The following ANTXR1 variants were observed in gnomAD, a reference collection of about 807,000 sequenced individuals.
ANTXR1 encodes the protein anthrax toxin receptor 1.
In ANTXR1, 19 loss-of-function variants were observed where a neutral mutation model predicts 78.1. That is an observed-to-expected ratio of 0.24 (90% CI 0.17 to 0.36). ANTXR1 has a LOEUF of 0.36. Among genes scored for constraint, ANTXR1 ranks in the 10% least tolerant of loss-of-function variants. ANTXR1 has a pLI of 1.00. For missense variants in ANTXR1, 518 were observed against 718.6 expected (o/e 0.72, Z 3.19); for synonymous variants, 273 against 260.5 (o/e 1.05, Z -0.46).
At chr2:69,125,474 G>C (rs961080993) in intron 12 of ANTXR1, among the ~76,000 whole-genome samples, 2 of 152,176 alleles carry the variant, frequency 1.3e-5, no homozygotes, top group Non-Finnish European at 2.9e-5. Flanking sequence ...CTCTGGAGTT[G>C]GTCCTGCCCA....
chr2:69,248,627 C>CT lies in ANTXR1; in HGVS notation c.*3143dup, dbSNP rs1262092747. 6.6e-6 allele frequency: 1 copy of CT among 152,218 alleles called. No individual in the cohort carries two copies. Among genetic ancestry groups the CT allele is most frequent in the Non-Finnish European group, 1.5e-5 (1 of 68,034 alleles). The allele number at this position is 152,218 out of a possible 1,614,324, so 9.4% of individuals were successfully genotyped here. A position where few individuals can be genotyped will look rare whatever the true frequency, so the allele number is the denominator to read the frequency against. On this transcript the variant is annotated 3_prime_UTR_variant, in exon 18 of 18. Transcript: ENST00000303714. ...CTGGCCATGGGTAACCTCATTGTAA[C>CT]TATCATCAGAATGGGCAGAGATGAT... is the stretch of plus-strand genomic sequence containing the variant.
chr2:69,060,722 A>C (rs545296373), intron 3 of ANTXR1, among the ~76,000 whole-genome samples: 40 of 152,358 alleles, frequency 2.6e-4, no homozygotes, highest in African/African-American at 8.9e-4. Context: ...GATTGGTAAC[A>C]TAGCGGGCCT....
At chr2:69,040,014 G>A (rs560701149) in intron 1 of ANTXR1, 30 bp from the exon 2 acceptor site, 1 of 1,597,572 alleles carries the variant, frequency 6.3e-7, no homozygotes, top group African/African-American at 1.3e-5. Context: ...AAACACCTGA[G>A]TCACGCAACA....
rs10711284 is a variant in ANTXR1, at chr2:69,207,146, C to CA, written c.1434+13740dup. ...TTGCAAAACTTACCCAATTTCTGTC[C>CA]AAAAAAAAAGTCCAAGACTAGGTCG... On this transcript the variant is annotated intron_variant, in intron 17 of 17. Transcript: ENST00000303714. Among the ~76,000 whole-genome samples the CA allele has an allele frequency of 3.7e-3, 551 of 150,648 alleles. 4 individuals carry two copies. Among genetic ancestry groups the CA allele is most frequent in the African/African-American group, 0.013 (517 of 41,132 alleles).
chr2:69,225,000 GC>G (rs10710362), intron 17 of ANTXR1, among the ~76,000 whole-genome samples: 54,221 of 151,754 alleles, frequency 0.36, 11,857 homozygotes, highest in East Asian at 0.68. Context: ...GGTGTTCCCA[GC>G]CTATGTGAAT....
chr2:69,120,508 AT>A (rs931950469), intron 10 of ANTXR1, among the ~76,000 whole-genome samples: 4 of 151,964 alleles, frequency 2.6e-5, no homozygotes, highest in East Asian at 3.9e-4. Context: ...TACTAAAAAA[AT>A]ATATAGAAAT....
At chr2:69,181,700 C>A in intron 14 of ANTXR1, 86 bp from the exon 15 acceptor site, 3 of 1,293,722 alleles carry the variant, frequency 2.3e-6, no homozygotes, top group Non-Finnish European at 3.4e-6. Flanking sequence ...ACTCTATAAG[C>A]TCTACTCCTA....
intron 12 of ANTXR1, among the ~76,000 whole-genome samples, chr2:69,141,627 T>C (rs1055771875): frequency 1.3e-5 from 2 of 152,220 alleles, no homozygotes; most frequent in African/African-American, 4.8e-5. Flanking sequence ...CAGTAATGGA[T>C]GTGCAAAAGC....
intron 17 of ANTXR1, among the ~76,000 whole-genome samples, chr2:69,224,106 G>T (rs967849792): frequency 3.9e-5 from 6 of 152,224 alleles, no homozygotes; most frequent in Admixed American, 6.5e-5. Flanking sequence ...GAGATGACCT[G>T]TACTGATACA....
chr2:69,124,445 G>A (rs1672463373), intron 11 of ANTXR1, 120 bp from the exon 12 acceptor site: 1 of 879,928 alleles, frequency 1.1e-6, no homozygotes, highest in Non-Finnish European at 1.9e-6. Flanking sequence ...CCCTGGAGAA[G>A]AGACTCCAGT....
At chr2:69,036,174 A>G (rs1669412344) in intron 1 of ANTXR1, among the ~76,000 whole-genome samples, 1 of 152,172 alleles carries the variant, frequency 6.6e-6, no homozygotes, top group Non-Finnish European at 1.5e-5. Context: ...TCAAGTTCCT[A>G]TTTCACCAAC....
At chr2:69,023,740 G>A (rs78121207) in intron 1 of ANTXR1, among the ~76,000 whole-genome samples, 362 of 152,272 alleles carry the variant, frequency 2.4e-3, no homozygotes, top group African/African-American at 8.0e-3. Flanking sequence ...TCAAAGTTTT[G>A]TAGAAGACAT....
intron 9 of ANTXR1, among the ~76,000 whole-genome samples, chr2:69,091,312 T>C: frequency 6.6e-6 from 1 of 151,378 alleles, no homozygotes; most frequent in East Asian, 1.9e-4. Context: ...GTGATGGCGC[T>C]TGCCTATAAT....
chr2:69,182,771 A>G (rs1000769554), intron 16 of ANTXR1, 111 bp downstream of exon 16: 9 of 1,356,594 alleles, frequency 6.6e-6, no homozygotes, highest in Non-Finnish European at 9.4e-6. Context: ...CCAGCTTATC[A>G]CAGGGGAACA....
At chr2:69,137,367 C>T (rs1028115633) in intron 12 of ANTXR1, among the ~76,000 whole-genome samples, 1 of 152,112 alleles carries the variant, frequency 6.6e-6, no homozygotes, top group African/African-American at 2.4e-5. Flanking sequence ...TTCCTAGTCT[C>T]TAAGAACTTG....
intron 17 of ANTXR1, among the ~76,000 whole-genome samples, chr2:69,228,997 C>T (rs1324055479): frequency 6.6e-6 from 1 of 152,170 alleles, no homozygotes; most frequent in Non-Finnish European, 1.5e-5. Flanking sequence ...TGTGTGCTCA[C>T]ATAGCCATTT....
At chr2:69,163,654 T>A (rs538451014) in intron 13 of ANTXR1, among the ~76,000 whole-genome samples, 1 of 152,330 alleles carries the variant, frequency 6.6e-6, no homozygotes, top group Non-Finnish European at 1.5e-5. Flanking sequence ...GACAGTGCTA[T>A]GTAAAAGGTT....
At chr2:69,145,022 G>T (rs531453782) in intron 12 of ANTXR1, among the ~76,000 whole-genome samples, 3 of 152,296 alleles carry the variant, frequency 2.0e-5, no homozygotes, top group South Asian at 4.1e-4. Context: ...ACTGAAAAAT[G>T]AGGCCAAAAA....
intron 1 of ANTXR1, among the ~76,000 whole-genome samples, chr2:69,029,643 A>T (rs928730622): frequency 6.6e-6 from 1 of 152,082 alleles, no homozygotes; most frequent in Admixed American, 6.5e-5. Context: ...TAAATGTTCC[A>T]AAAAAGCTCA....
Sources: allele counts gnomAD v4.1 joint callset (sites outside exome capture counted in the v4.1 genomes callset), GRCh38; gene constraint gnomAD v4.1.1; transcripts MANE v1.5; gene names NCBI Gene and HGNC (gene_info 2026-07-23, HGNC 2026-07-21).